ODAD2: variants seen among roughly 807,000 people sequenced by gnomAD.
ODAD2 encodes outer dynein arm docking complex subunit 2.
Under a neutral mutation model 106.8 loss-of-function variants are expected in ODAD2, and 89 were observed. That is an observed-to-expected ratio of 0.83 (90% confidence interval 0.70 to 0.99). ODAD2 has a LOEUF of 0.99. Among genes scored for constraint, ODAD2 ranks in the 50% least tolerant of loss-of-function variants. The probability of loss-of-function intolerance (pLI) is 0.00; values close to 1 mark genes in which losing one functional copy is unlikely to be tolerated. For missense variants in ODAD2, 1,168 were observed against 1,238.5 expected (o/e 0.94, Z 0.85); for synonymous variants, 404 against 436.2 (o/e 0.93, Z 0.92).
At chr10:27,864,229 A>G (rs1268994908) in intron 17 of ODAD2, among the ~76,000 whole-genome samples, 1 of 150,842 alleles carries the variant, frequency 6.6e-6, no homozygotes, top group Non-Finnish European at 1.5e-5. Context: ...ATTTGAGATG[A>G]TTCCCACGTC....
At chr10:27,856,000 G>A (rs1202759696) in intron 19 of ODAD2, among the ~76,000 whole-genome samples, 4 of 152,072 alleles carry the variant, frequency 2.6e-5, no homozygotes, top group Admixed American at 2.6e-4. Flanking sequence ...CACTTTTTCT[G>A]TCCTAGGAAA....
intron 19 of ODAD2, among the ~76,000 whole-genome samples, chr10:27,812,876 G>A (rs1435196538): frequency 6.6e-6 from 1 of 152,122 alleles, no homozygotes; most frequent in Admixed American, 6.5e-5. Context: ...GTATCTAACT[G>A]CTATTTTTGG....
At chr10:27,914,673 T>C (rs906763608) in intron 16 of ODAD2, among the ~76,000 whole-genome samples, 10 of 152,046 alleles carry the variant, frequency 6.6e-5, no homozygotes, top group African/African-American at 2.4e-4. Context: ...TTTATAAATA[T>C]GTATGTATGT....
At chr10:27,895,888 G>A (rs912094307) in intron 17 of ODAD2, among the ~76,000 whole-genome samples, 2 of 152,194 alleles carry the variant, frequency 1.3e-5, no homozygotes, top group African/African-American at 4.8e-5. Context: ...GGAAGAATGT[G>A]ATTTGTTGTA....
intron 17 of ODAD2, among the ~76,000 whole-genome samples, chr10:27,897,761 A>G (rs1489340457): frequency 6.6e-6 from 1 of 152,134 alleles, no homozygotes; most frequent in Non-Finnish European, 1.5e-5. Flanking sequence ...CTTTTTCAGG[A>G]GGCTGTCTTT....
intron 17 of ODAD2, among the ~76,000 whole-genome samples, chr10:27,877,629 T>C (rs1035714649): frequency 6.6e-6 from 1 of 152,192 alleles, no homozygotes; most frequent in African/African-American, 2.4e-5. Flanking sequence ...GAAAAAGTAA[T>C]TATTCTGCCA....
intron 19 of ODAD2, among the ~76,000 whole-genome samples, chr10:27,858,267 C>A (rs557553591): frequency 1.3e-5 from 2 of 152,194 alleles, no homozygotes; most frequent in South Asian, 4.2e-4. Flanking sequence ...GTTATGCTTC[C>A]CCCATGACCC....
chr10:27,940,875 TAC>T, intron 12 of ODAD2, 70 bp from the exon 13 acceptor site: 1 of 1,488,426 alleles, frequency 6.7e-7, no homozygotes, highest in Non-Finnish European at 9.2e-7. Context: ...CTTCAATAGC[TAC>T]AGTGTTCCTT....
intron 19 of ODAD2, among the ~76,000 whole-genome samples, chr10:27,841,315 A>G (rs1392954278): frequency 2.0e-5 from 3 of 152,162 alleles, no homozygotes; most frequent in Non-Finnish European, 4.4e-5. Flanking sequence ...TCTGTAACTA[A>G]GCCACCATTT....
At chr10:27,862,157 A>G (rs756880463) in intron 18 of ODAD2, among the ~76,000 whole-genome samples, 4 of 152,204 alleles carry the variant, frequency 2.6e-5, no homozygotes, top group Non-Finnish European at 5.9e-5. Flanking sequence ...ACACTTACAT[A>G]ATAGCACTTG....
chr10:27,943,022 C>A (rs1846566363), intron 12 of ODAD2, among the ~76,000 whole-genome samples: 1 of 152,164 alleles, frequency 6.6e-6, no homozygotes, highest in Admixed American at 6.6e-5. Context: ...GGGTAAGGTA[C>A]TGGGCTAAGT....
At position 27,992,631 on chromosome 10, in the gene ODAD2, G is replaced by C. The variant is rs192161298; in HGVS notation, c.224+2288C>G. 1.2e-3 allele frequency among the ~76,000 whole-genome samples: 179 copies of C among 152,302 alleles called. 3 individuals are homozygous for C. The East Asian group carries it at 0.029, about 24-fold the overall frequency. On this transcript the variant is annotated intron_variant, in intron 2 of 19. Transcript: ENST00000305242. ...ATGGAGCCCAGGAGTTTGAGCTGCA[G>C]TGAGCTATGATCACTCCACTGCAGT...
chr10:27,825,089 G>C lies in ODAD2; in HGVS notation c.3022-12464C>G, dbSNP rs143922387. Among the ~76,000 whole-genome samples the C allele has an allele frequency of 2.0e-3, 312 of 152,220 alleles. 2 individuals carry two copies. Among genetic ancestry groups the C allele is most frequent in the African/African-American group, 7.2e-3 (299 of 41,546 alleles). On this transcript the variant is annotated intron_variant, in intron 19 of 19. Coordinates refer to ENST00000305242, the MANE Select transcript of ODAD2 (RefSeq NM_018076.5). ...CAGCTGATGCCAACTCATCTCTCTAGTTGCTTGGGCTGAAAATCTTGGTGT... is the reference window on the plus strand; with the variant it reads ...CAGCTGATGCCAACTCATCTCTCTACTTGCTTGGGCTGAAAATCTTGGTGT...
At chr10:27,849,679 A>G (rs1036053909) in intron 19 of ODAD2, among the ~76,000 whole-genome samples, 1 of 152,202 alleles carries the variant, frequency 6.6e-6, no homozygotes, top group Non-Finnish European at 1.5e-5. Context: ...TATAAAATTC[A>G]AGATGAGAAT....
intron 17 of ODAD2, among the ~76,000 whole-genome samples, chr10:27,885,637 T>G (rs1589921142): frequency 1.5e-5 from 1 of 65,536 alleles, no homozygotes; most frequent in Non-Finnish European, 2.6e-5. Context: ...ATAAAATATA[T>G]ATTATATATA....
At chr10:27,938,709 C>T (rs1846173460) in intron 14 of ODAD2, among the ~76,000 whole-genome samples, 1 of 151,870 alleles carries the variant, frequency 6.6e-6, no homozygotes, top group South Asian at 2.1e-4. Context: ...AAGTGATTCT[C>T]CTGCCTCAGC....
intron 8 of ODAD2, among the ~76,000 whole-genome samples, chr10:27,969,540 T>C (rs1229806516): frequency 6.6e-6 from 1 of 152,286 alleles, no homozygotes; most frequent in African/African-American, 2.4e-5. Context: ...CATTTTTCAT[T>C]TTCACATTGA....
In ODAD2 at chr10:27,854,401, A is replaced by G. The variant is rs944683944; in HGVS notation, c.3021+6224T>C. Among the ~76,000 whole-genome samples, 15 of 152,226 alleles carry G rather than the reference A, an allele frequency of 9.9e-5. 1 individual carries two copies. Among genetic ancestry groups the G allele is most frequent in the Admixed American group, 9.8e-4 (15 of 15,288 alleles). On this transcript the variant is annotated intron_variant, in intron 19 of 19. Transcript: ENST00000305242. The stretch of plus-strand genomic sequence containing the variant: ...AGCAAATGTCCACCCAATGACTTGT[A>G]CATGAATGTTCGTAGCAGCTTTATT...
chr10:27,898,856 T>C (rs563912070), intron 17 of ODAD2, among the ~76,000 whole-genome samples: 3 of 152,326 alleles, frequency 2.0e-5, no homozygotes, highest in African/African-American at 7.2e-5. Context: ...TTGGCTGTGA[T>C]AACAAATGAT....
Sources: gnomAD v4.1 joint callset for allele counts (sites outside exome capture counted in the v4.1 genomes callset) on GRCh38, gnomAD v4.1.1 for gene constraint, MANE v1.5 for transcripts, NCBI Gene and HGNC (gene_info 2026-07-23, HGNC 2026-07-21) for gene names.